ZNF85: variants seen among roughly 807,000 people sequenced by gnomAD.
The protein encoded by ZNF85 is zinc finger protein 85 (HPF4, HTF1).
ZNF85 carries 50 observed loss-of-function variants against 53.9 expected under a neutral mutation model. The observed-to-expected ratio is 0.93, with a 90% confidence interval of 0.74 to 1.17. The LOEUF is 1.17. Ranked by LOEUF, ZNF85 falls within the 50% of genes most tolerant of loss-of-function variation. ZNF85 has a pLI of 0.00. For missense variants in ZNF85, 747 were observed against 688.5 expected, an observed-to-expected ratio of 1.08 and a Z score of -0.95; for synonymous variants, 225 against 226.1, an observed-to-expected ratio of 1.00 and a Z score of 0.04.
chr19:20,946,535 T>C, intron 3 of ZNF85: 1 of 228,250 alleles, frequency 4.4e-6, no homozygotes, highest in Non-Finnish European at 8.7e-6. Flanking sequence ...ATATTTGTTT[T>C]ATATATTTGG....
In ZNF85 at chr19:20,949,983, GT is replaced by G; in HGVS notation, c.1473del (p.Phe491LeufsTer12). 7.5e-6 allele frequency: 12 copies of G among 1,602,676 alleles called. No individual in the cohort carries two copies. The highest frequency in any genetic ancestry group is 1.0e-5 in the Non-Finnish European group (12 of 1,176,408). ...TACAAATGTGAAGAATGTGGCAAAGGTTTTAAATGGCCCTCAACCCTTACTA... is the reference window on the plus strand; with the variant it reads ...TACAAATGTGAAGAATGTGGCAAAGGTTTAAATGGCCCTCAACCCTTACTA... ...KPYKCEECGK[G>X]FKWPSTLTIH... On this transcript the variant is annotated frameshift_variant, in exon 4 of 4. Coordinates refer to ENST00000328178, the MANE Select transcript of ZNF85 (RefSeq NM_003429.5). LOFTEE classifies it high-confidence loss of function.
At chr19:20,940,716 G>T (rs1568551985) in intron 3 of ZNF85, among the ~76,000 whole-genome samples, 1 of 152,058 alleles carries the variant, frequency 6.6e-6, no homozygotes, top group Non-Finnish European at 1.5e-5. Context: ...TTTTATGAGT[G>T]TGACCACTTA....
intron 3 of ZNF85, among the ~76,000 whole-genome samples, chr19:20,940,103 GA>G (rs143322119): frequency 0.11 from 14,870 of 136,982 alleles, 838 homozygotes; most frequent in Non-Finnish European, 0.14. Context: ...TCCTTTATGT[GA>G]AAAAAAAAAA....
At position 20,948,744 on chromosome 19, in the gene ZNF85, T is replaced by G; in HGVS notation, c.230T>G (p.Val77Gly). Reference sequence around the variant, plus strand: ...AATTTGTCATTTTTGTTTCTTTCAGTTATGTGTTCTCATTTTGCCCAAGAC... The same window carrying G: ...AATTTGTCATTTTTGTTTCTTTCAGGTATGTGTTCTCATTTTGCCCAAGAC... ...RHEIMVAKPT[V>G]MCSHFAQDLW... is the part of the protein sequence containing the mutation. The change falls in exon 4 of 4, where the codon GTT (valine) becomes GGT (glycine). Residue 77 changes from valine (V) to glycine (G), a missense_variant and splice_region_variant. Transcript: ENST00000328178. 5 of 1,538,854 alleles carry G rather than the reference T, an allele frequency of 3.2e-6. No homozygotes were observed. Among genetic ancestry groups the G allele is most frequent in the Non-Finnish European group, 4.4e-6 (5 of 1,146,584 alleles).
Position 20,923,785 on chromosome 19 carries a change from T to TA in ZNF85, c.3+387dup, listed in dbSNP as rs967343870. ...GTTCCCAGTTCCTCTTTTTTTCTGTTAAAAATGTATGGGGGGACGGGCGTG... is the reference window on the plus strand; with the variant it reads ...GTTCCCAGTTCCTCTTTTTTTCTGTTAAAAAATGTATGGGGGGACGGGCGTG... On this transcript the variant is annotated intron_variant, in intron 1 of 3. Coordinates refer to ENST00000328178, the MANE Select transcript of ZNF85 (RefSeq NM_003429.5). Among the ~76,000 whole-genome samples the TA allele has an allele frequency of 7.9e-5, 12 of 152,022 alleles. 1 individual carries two copies. Among genetic ancestry groups the TA allele is most frequent in the African/African-American group, 2.9e-4 (12 of 41,392 alleles).
chr19:20,948,716 A>G, intron 3 of ZNF85, 28 bp from the exon 4 acceptor site: 1 of 1,452,408 alleles, frequency 6.9e-7, no homozygotes. Context: ...TAGCAAGTGG[A>G]GTAATTTGTC....
At chr19:20,932,609 C>T (rs1973049348) in intron 1 of ZNF85, among the ~76,000 whole-genome samples, 1 of 152,076 alleles carries the variant, frequency 6.6e-6, no homozygotes, top group Non-Finnish European at 1.5e-5. Flanking sequence ...CATCTGTATT[C>T]TCCATTACCT....
At chr19:20,932,190 G>T (rs558279409) in intron 1 of ZNF85, among the ~76,000 whole-genome samples, 49 of 152,156 alleles carry the variant, frequency 3.2e-4, no homozygotes, top group Non-Finnish European at 6.3e-4. Flanking sequence ...ATCTGGAAAG[G>T]ATTCCCAGAA....
intron 1 of ZNF85, chr19:20,928,171 G>A (rs572051143): frequency 6.6e-6 from 1 of 152,290 alleles, no homozygotes; most frequent in South Asian, 2.1e-4. Context: ...GGCCTATGGG[G>A]TTTGTGACTG....
Position 20,950,124 on chromosome 19 carries a change from C to A in ZNF85, c.1610C>A (p.Pro537His), listed in dbSNP as rs1444622810. ...KHKKIHTGEKPYTCEECGKAF... is the reference protein window; with the variant it reads ...KHKKIHTGEKHYTCEECGKAF... Reference sequence around the variant, plus strand: ...AAGAAAATTCATACTGGAGAGAAACCCTACACATGTGAAGAATGTGGCAAA... The same window carrying A: ...AAGAAAATTCATACTGGAGAGAAACACTACACATGTGAAGAATGTGGCAAA... The change falls in exon 4 of 4, where the codon CCC becomes CAC. Residue 537 changes from proline to histidine, a missense_variant. Physicochemically the swap from Pro to His is moderately conservative, Grantham distance 77. Transcript: ENST00000328178. The A allele has an allele frequency of 6.2e-7, 1 of 1,613,452 alleles. No individual in the cohort carries two copies. Among genetic ancestry groups the A allele is most frequent in the Admixed American group, 1.7e-5 (1 of 60,006 alleles).
At chr19:20,946,583 C>G (rs1253788659) in intron 3 of ZNF85, among the ~76,000 whole-genome samples, 3 of 151,394 alleles carry the variant, frequency 2.0e-5, no homozygotes, top group Non-Finnish European at 4.4e-5. Flanking sequence ...CACACACACA[C>G]ACACACACAC....
At chr19:20,947,887 A>G (rs879791213) in intron 3 of ZNF85, among the ~76,000 whole-genome samples, 1 of 151,906 alleles carries the variant, frequency 6.6e-6, no homozygotes, top group Non-Finnish European at 1.5e-5. Context: ...ACTGAATATT[A>G]TTCAAGTTTT....
intron 1 of ZNF85, among the ~76,000 whole-genome samples, chr19:20,933,542 C>A (rs561616947): frequency 2.6e-5 from 4 of 152,234 alleles, no homozygotes; most frequent in African/African-American, 9.6e-5. Flanking sequence ...GAAATTCAGA[C>A]AATCAGACTT....
In ZNF85 at chr19:20,949,676, CATAAG is replaced by C. The variant is rs1973524785; in HGVS notation, c.1167_1171del (p.Lys389AsnfsTer11). 6 of 1,613,108 alleles carry C rather than the reference CATAAG, an allele frequency of 3.7e-6. No individual in the cohort carries two copies. Among genetic ancestry groups the C allele is most frequent in the Non-Finnish European group, 5.1e-6 (6 of 1,179,516 alleles). ...TAATCATTTCTCACACCTTACTACA[CATAAG>C]ATAATTCATACTGGAGAGAAACCTT... On this transcript the variant is annotated frameshift_variant, in exon 4 of 4. Transcript: ENST00000328178. LOFTEE classifies it high-confidence loss of function.
At chr19:20,930,089 C>G (rs1358622535) in intron 1 of ZNF85, among the ~76,000 whole-genome samples, 1 of 131,510 alleles carries the variant, frequency 7.6e-6, no homozygotes, top group Non-Finnish European at 1.5e-5. Context: ...CCATTGCACT[C>G]CAGCCTGGGT....
rs750859774 is a variant in ZNF85 at position 20,946,437 on chromosome 19, CT to C, written c.230-2298del. 4.0e-3 allele frequency: 1,209 copies of C among 299,708 alleles called. 8 individuals are homozygous for C. Among genetic ancestry groups the C allele is most frequent in the African/African-American group, 0.019 (683 of 36,338 alleles). 18.6% of individuals were successfully genotyped at this position (299,708 alleles called of 1,614,324 possible). On this transcript the variant is annotated intron_variant, in intron 3 of 3. Transcript: ENST00000328178. ...AAGTTACCTGTTGCCTTCTAATATT[CT>C]TTTTTTTTATTATTATAGAAAGTAG...
chr19:20,923,312 C>T lies in ZNF85; in HGVS notation c.-89C>T, dbSNP rs1972798951. 1 of 1,599,456 alleles carries T rather than the reference C, an allele frequency of 6.3e-7. No homozygotes were observed. On this transcript the variant is annotated 5_prime_UTR_variant, in exon 1 of 4. Coordinates refer to ENST00000328178, the MANE Select transcript of ZNF85 (RefSeq NM_003429.5). ...TGTTTTCCCTGCTTTGTGTTTTCTG[C>T]TCGTGGACGCCCAGCCTCTGTGGCC... is the stretch of plus-strand genomic sequence containing the variant.
chr19:20,939,512 C>T (rs931820181), intron 3 of ZNF85, among the ~76,000 whole-genome samples: 3 of 152,154 alleles, frequency 2.0e-5, no homozygotes, highest in African/African-American at 7.2e-5. Context: ...CTCAGCCTCC[C>T]AAAGTGCTGA....
intron 3 of ZNF85, among the ~76,000 whole-genome samples, chr19:20,944,624 C>G (rs560135753): frequency 4.3e-4 from 64 of 149,886 alleles, no homozygotes; most frequent in Non-Finnish European, 8.3e-4. Context: ...CTCTGTATTA[C>G]TTTTTTGCTA....
Sources: gnomAD v4.1 joint callset for allele counts (sites outside exome capture counted in the v4.1 genomes callset) on GRCh38, gnomAD v4.1.1 for gene constraint, MANE v1.5 for transcripts, NCBI Gene and HGNC (gene_info 2026-07-23, HGNC 2026-07-21) for gene names.